Variants in POLR2F observed in about 807,000 individuals in gnomAD.
POLR2F encodes DNA-directed RNA polymerases I, II, and III subunit RPABC2.
In POLR2F, 12 loss-of-function variants were observed where a neutral mutation model predicts 22.7. That is an observed-to-expected ratio of 0.53 (90% CI 0.34 to 0.86). The LOEUF (loss-of-function observed/expected upper bound fraction) is 0.86, where lower values mean the gene tolerates loss of function less well. Among genes scored for constraint, POLR2F ranks in the 40% least tolerant of loss-of-function variants. The probability of loss-of-function intolerance (pLI) is 0.02; values close to 1 mark genes in which losing one functional copy is unlikely to be tolerated. For missense variants in POLR2F, 126 were observed against 171.5 expected (o/e 0.73, Z 1.48); for synonymous variants, 57 against 66.0 (o/e 0.86, Z 0.66).
At chr22:37,989,691 C>T (rs1932681547) in intron 1 of POLR2F, among the ~76,000 whole-genome samples, 1 of 152,266 alleles carries the variant, frequency 6.6e-6, no homozygotes, top group South Asian at 2.1e-4. Context: ...GATTCAGTGA[C>T]AGGCCTGAGC....
chr22:37,967,791 C>T lies in POLR2F; in HGVS notation c.*76C>T. ...TTATATGTGTAAATAATAAAATATT[C>T]AACTTTCCAACCCCCTTCCCCTCTG... On this transcript the variant is annotated 3_prime_UTR_variant, in exon 5 of 5. Coordinates refer to ENST00000442738, the MANE Select transcript of POLR2F (RefSeq NM_021974.5). 1 of 1,530,504 alleles carries T rather than the reference C, an allele frequency of 6.5e-7. No individual in the cohort carries two copies. The highest frequency in any genetic ancestry group is 1.3e-5 in the South Asian group (1 of 77,344). 94.8% of individuals were successfully genotyped at this position (1,530,504 alleles called of 1,614,324 possible). A position where few individuals can be genotyped will look rare whatever the true frequency, so the allele number is the denominator to read the frequency against.
rs751780784 is a variant in POLR2F, at chr22:37,977,979, G to A, written c.293+10809G>A. On this transcript the variant is annotated intron_variant, in intron 4 of 4. Transcript: ENST00000405557. ...GGATGGCGGCGGTCCCACCTTGCTC[G>A]GCCTCCCCACCGGGGCACTCCGCCT... 7.4e-6 allele frequency: 12 copies of A among 1,611,808 alleles called. No homozygotes were observed. The highest frequency in any genetic ancestry group is 4.0e-5 in the African/African-American group (3 of 74,934).
intron 4 of POLR2F, chr22:37,977,978 C>T (rs763210407): frequency 3.2e-5 from 51 of 1,611,840 alleles, no homozygotes; most frequent in South Asian, 1.1e-5. Flanking sequence ...CCACCTTGCT[C>T]GGCCTCCCCA....
intron 1 of POLR2F, among the ~76,000 whole-genome samples, chr22:38,008,559 A>G (rs2084843287): frequency 1.4e-5 from 2 of 147,922 alleles, no homozygotes; most frequent in African/African-American, 2.5e-5. Context: ...AAAAAAACCA[A>G]CAAACAACAA....
At chr22:37,977,825 G>T in intron 4 of POLR2F, 8 of 1,584,398 alleles carry the variant, frequency 5.0e-6, no homozygotes, top group Non-Finnish European at 6.9e-6. Flanking sequence ...TGTCTCCACT[G>T]ACTGGCCTTG....
chr22:37,985,518 C>T (rs1344852871), upstream of POLR2F, among the ~76,000 whole-genome samples: 28 of 152,170 alleles, frequency 1.8e-4, no homozygotes, highest in African/African-American at 2.4e-5. Context: ...GGTCGCAGTG[C>T]TGTTCTCTTA....
At chr22:38,040,387 A>C (rs1416469908) in intron 5 of POLR2F, 1 of 151,560 alleles carries the variant, frequency 6.6e-6, no homozygotes, top group Non-Finnish European at 1.5e-5. Context: ...GCTGGAGCAG[A>C]GGGCCTGGCA....
downstream of POLR2F, chr22:37,972,098 GA>G: frequency 3.0e-6 from 1 of 331,628 alleles, no homozygotes; most frequent in Non-Finnish European, 5.8e-6. Context: ...AGGGGGGAGA[GA>G]GAGAGAGAAA....
chr22:37,973,686 C>G (rs1932129476), downstream of POLR2F: 1 of 1,609,958 alleles, frequency 6.2e-7, no homozygotes, highest in African/African-American at 1.3e-5. Context: ...GGCTGATGGT[C>G]AGAGTAGTCA....
intron 3 of POLR2F, among the ~76,000 whole-genome samples, chr22:37,960,589 G>C (rs1931593599): frequency 6.6e-6 from 1 of 151,976 alleles, no homozygotes; most frequent in African/African-American, 2.4e-5. Flanking sequence ...AGTGGAGACG[G>C]GGTTTCACCA....
At chr22:38,026,021 G>T (rs769723150) in exon 2 of POLR2F, 6 of 548,062 alleles carry the variant, frequency 1.1e-5, no homozygotes, top group Non-Finnish European at 2.2e-5. Flanking sequence ...GTGCACTTGG[G>T]TTTCAGTTTG....
At chr22:38,019,284 G>GC (rs2084940438) in intron 1 of POLR2F, among the ~76,000 whole-genome samples, 1 of 152,024 alleles carries the variant, frequency 6.6e-6, no homozygotes, top group Admixed American at 6.6e-5. Context: ...CGCTTCTTCA[G>GC]CCCCCGGGCT....
chr22:37,978,635 G>A lies in POLR2F; in HGVS notation c.293+11465G>A, dbSNP rs1232644884. 6.6e-6 allele frequency among the ~76,000 whole-genome samples: 1 copy of A among 152,164 alleles called. No individual in the cohort carries two copies. The highest frequency in any genetic ancestry group is 1.5e-5 in the Non-Finnish European group (1 of 68,022). On this transcript the variant is annotated intron_variant, in intron 4 of 4. Coordinates refer to the POLR2F transcript ENST00000405557. This position sits in a 1 kb window ranked among gnomAD's most constrained non-coding sequence, Gnocchi z 5.0. ...GTGACCTTGAGCAAATTACTTCTCT[G>A]AGCCTGAGTTTCTTCACCTATAAAA...
At chr22:37,983,479 C>G, upstream of POLR2F, 1 of 1,612,038 alleles carries the variant, frequency 6.2e-7, no homozygotes, top group Non-Finnish European at 8.5e-7. The surrounding 1 kb of genome is among the most constrained non-coding windows in gnomAD (Gnocchi z 9.5). Context: ...GCTTGACGTG[C>G]GGCTTGCTTT....
At position 37,997,250 on chromosome 22, in the gene POLR2F, T is replaced by G. The variant is rs962570179; in HGVS notation, c.120+10938T>G. 6.6e-6 allele frequency among the ~76,000 whole-genome samples: 1 copy of G among 152,244 alleles called. No homozygotes were observed. The highest frequency in any genetic ancestry group is 2.1e-4 in the South Asian group (1 of 4,822). The stretch of plus-strand genomic sequence containing the variant: ...TGACCTTTCTCCCTTCTTTTCCACT[T>G]CGGCCTCCACCTTGTTTCTTTCTCT... On this transcript the variant is annotated intron_variant, in intron 1 of 2. Coordinates refer to the POLR2F transcript ENST00000333418. The surrounding 1 kb of genome is among the most constrained non-coding windows in gnomAD (Gnocchi z 4.4).
chr22:37,985,172 C>T (rs1932534343), upstream of POLR2F: 1 of 152,362 alleles, frequency 6.6e-6, no homozygotes, highest in Non-Finnish European at 1.5e-5. Context: ...CACGCGCGTT[C>T]TGGTCTGGTT....
downstream of POLR2F, among the ~76,000 whole-genome samples, chr22:37,971,621 G>A (rs1932054787): frequency 6.6e-6 from 1 of 152,100 alleles, no homozygotes; most frequent in Admixed American, 6.5e-5. Flanking sequence ...CACCTGCTGT[G>A]AAGGCTTGGC....
chr22:38,013,297 C>T (rs1364272078), intron 1 of POLR2F, among the ~76,000 whole-genome samples: 1 of 152,182 alleles, frequency 6.6e-6, no homozygotes, highest in Non-Finnish European at 1.5e-5. Flanking sequence ...AGGCACATGC[C>T]ACCATGCCTG....
rs369965909 is a variant in POLR2F, at chr22:38,001,974, C to T, written c.120+15662C>T. The stretch of plus-strand genomic sequence containing the variant: ...TCCTGAGTAGCTGGGATTACAGGCA[C>T]CTGCCACCATGCCTGTATTTTGTAA... On this transcript the variant is annotated intron_variant, in intron 1 of 2. Coordinates refer to the POLR2F transcript ENST00000333418. Among the ~76,000 whole-genome samples, 10 of 151,908 alleles carry T rather than the reference C, an allele frequency of 6.6e-5. No homozygotes were observed. In the East Asian group the frequency reaches 1.7e-3, roughly 27 times the overall value.
Sources: gnomAD v4.1 joint callset for allele counts (sites outside exome capture counted in the v4.1 genomes callset) on GRCh38, gnomAD v4.1.1 for gene constraint, Gnocchi (gnomAD v3.1) non-coding constraint, MANE v1.5 for transcripts, NCBI Gene and HGNC (gene_info 2026-07-23, HGNC 2026-07-21) for gene names.